ADGRV1: variants seen among roughly 807,000 people sequenced by gnomAD.
The protein encoded by ADGRV1 is adhesion G protein-coupled receptor V1, also known as G-protein coupled receptor 98.
In ADGRV1, 359 loss-of-function variants were observed where a neutral mutation model predicts 596.2. The observed-to-expected ratio is 0.60, with a 90% confidence interval of 0.55 to 0.66. The LOEUF (loss-of-function observed/expected upper bound fraction) is 0.66, where lower values mean the gene tolerates loss of function less well. Ranked by LOEUF, ADGRV1 falls within the 30% of genes least tolerant of loss-of-function variation. ADGRV1 has a pLI of 0.00. For synonymous variants in ADGRV1, 2,681 were observed against 2,679.2 expected (o/e 1.00, Z -0.02); for missense variants, 7,274 against 7,575.6 (o/e 0.96, Z 1.48).
chr5:90,758,513 T>G (rs1175425486), intron 57 of ADGRV1, among the ~76,000 whole-genome samples: 1 of 152,186 alleles, frequency 6.6e-6, no homozygotes, highest in African/African-American at 2.4e-5. Context: ...ATCCTACTTA[T>G]TCTTAAAATT....
At chr5:90,823,388 C>A (rs115364319) in intron 75 of ADGRV1, 37 bp from the exon 76 acceptor site, 1 of 1,599,926 alleles carries the variant, frequency 6.3e-7, no homozygotes, top group Non-Finnish European at 8.5e-7. Flanking sequence ...GGGGATGACA[C>A]CCTCTGTTAA....
At chr5:90,941,427 T>G (rs574997111) in intron 83 of ADGRV1, among the ~76,000 whole-genome samples, 1 of 152,270 alleles carries the variant, frequency 6.6e-6, no homozygotes, top group Non-Finnish European at 1.5e-5. Context: ...TTAAATTGAG[T>G]GGGCAAGAAG....
chr5:90,950,506 G>C lies in ADGRV1; in HGVS notation c.17857-14909G>C, dbSNP rs372520701. ...CCAGCTAATTTTTGTATTTTGAGTA[G>C]AGACAGGATTTTGCCCTGTTGGTCA... On this transcript the variant is annotated intron_variant, in intron 83 of 89. Coordinates refer to ENST00000405460, the MANE Select transcript of ADGRV1 (RefSeq NM_032119.4). Among the ~76,000 whole-genome samples the C allele has an allele frequency of 2.6e-5, 4 of 152,090 alleles. No individual in the cohort carries two copies. In the East Asian group the frequency reaches 7.7e-4, roughly 29 times the overall value.
intron 86 of ADGRV1, among the ~76,000 whole-genome samples, chr5:91,080,547 A>T (rs909899605): frequency 1.3e-5 from 2 of 151,048 alleles, no homozygotes; most frequent in African/African-American, 4.9e-5. Flanking sequence ...CTAATTTCAT[A>T]AAAGTAGTAT....
chr5:90,823,373 G>C, intron 75 of ADGRV1, 52 bp from the exon 76 acceptor site: 1 of 1,552,380 alleles, frequency 6.4e-7, no homozygotes, highest in South Asian at 1.2e-5. Flanking sequence ...AACTCTATTA[G>C]ACATGGGGAT....
chr5:90,714,571 CATTGTTTTG>C (rs1749829942), intron 42 of ADGRV1, among the ~76,000 whole-genome samples: 1 of 151,842 alleles, frequency 6.6e-6, no homozygotes, highest in Non-Finnish European at 1.5e-5. Flanking sequence ...CTACTATTTT[CATTGTTTTG>C]ATTTATATTT....
At position 90,791,010 on chromosome 5, in the gene ADGRV1, G is replaced by C. The variant is rs754790133; in HGVS notation, c.14181G>C (p.Glu4727Asp). The change falls in exon 70 of 90, where the codon GAG (glutamate) becomes GAC (aspartate). Residue 4727 changes from glutamate to aspartate, a missense_variant. Glu to Asp is a conservative substitution (Grantham distance 45). Transcript: ENST00000405460. ...HLLPDEVPEI[E>D]EDYVIQLVSV... is the part of the protein sequence containing the mutation. ...TACCAGATGAGGTACCTGAGATAGA[G>C]GAAGATTATGTGATCCAGCTTGTTT... 2.5e-6 allele frequency: 4 copies of C among 1,613,954 alleles called. No homozygotes were observed. The South Asian group carries it at 4.4e-5, about 18-fold the overall frequency.
At chr5:90,778,774 C>G in intron 63 of ADGRV1, 91 bp from the exon 64 acceptor site, 1 of 1,167,092 alleles carries the variant, frequency 8.6e-7, no homozygotes, top group Admixed American at 2.3e-5. Context: ...GTAATTTTAA[C>G]ACAATCCTGG....
chr5:90,764,978 G>T (rs777442934), intron 59 of ADGRV1, among the ~76,000 whole-genome samples: 2 of 152,090 alleles, frequency 1.3e-5, no homozygotes, highest in African/African-American at 4.8e-5. Flanking sequence ...TTGGCAGTCA[G>T]GAGATTGTCA....
chr5:90,597,373 C>T (rs191298919), intron 1 of ADGRV1, among the ~76,000 whole-genome samples: 1 of 152,282 alleles, frequency 6.6e-6, no homozygotes, highest in East Asian at 1.9e-4. Flanking sequence ...TTGTTATAGA[C>T]TTTAGTAAGT....
In ADGRV1 at chr5:91,163,732, T is replaced by C. The variant is rs867225276; in HGVS notation, c.18803-50T>C. 24 of 711,534 alleles carry C rather than the reference T, an allele frequency of 3.4e-5. No individual in the cohort carries two copies. The Middle Eastern group carries it at 5.8e-3, about 172-fold the overall frequency. The allele number at this position is 711,534 out of a possible 1,614,324, so 44.1% of individuals were successfully genotyped here. On this transcript the variant is annotated intron_variant, in intron 89 of 89. Coordinates refer to ENST00000405460, the MANE Select transcript of ADGRV1 (RefSeq NM_032119.4). ...CTAATGTAAATTGATTCTTAAGAAT[T>C]CACTGCACTAATAGTTTGGATTTTT...
rs774995411 is a variant in ADGRV1, at chr5:91,150,112, A to G, written c.18515A>G (p.Asn6172Ser). 50 of 1,580,716 alleles carry G rather than the reference A, an allele frequency of 3.2e-5. No homozygotes were observed. Among genetic ancestry groups the G allele is most frequent in the Non-Finnish European group, 4.0e-5 (46 of 1,163,152 alleles). Residue 6172 changes from asparagine (N) to serine (S), a missense_variant, in exon 88 of 90, where the codon AAT (asparagine) becomes AGT (serine). Asn to Ser is a conservative substitution (Grantham distance 46). This residue lies in a region of ADGRV1 where 1,874 missense variants were observed against 1,970.2 expected (regional missense o/e 0.95). Transcript: ENST00000405460. ...AAGGCCAGTTACACTGTGGAAATGA[A>G]TGGGCATCCTGGACCCAGCACAGCC... ...PMKASYTVEM[N>S]GHPGPSTAFF...
chr5:90,590,532 G>C (rs1759352199), intron 1 of ADGRV1, among the ~76,000 whole-genome samples: 1 of 152,140 alleles, frequency 6.6e-6, no homozygotes, highest in Admixed American at 6.5e-5. Context: ...TTCCTCTGGG[G>C]CAGGCATTCC....
intron 58 of ADGRV1, among the ~76,000 whole-genome samples, chr5:90,760,640 T>C (rs1216736139): frequency 1.3e-5 from 2 of 152,124 alleles, no homozygotes; most frequent in African/African-American, 4.8e-5. Context: ...TTGTGACTTA[T>C]GTAGAAAAAA....
rs746715818 is a variant in ADGRV1, at chr5:90,756,663, C to CAG, written c.11757+36_11757+37dup. 7.1e-6 allele frequency: 11 copies of CAG among 1,556,772 alleles called. No individual in the cohort carries two copies. In the African/African-American group the frequency reaches 1.4e-4, roughly 19 times the overall value. The stretch of plus-strand genomic sequence containing the variant: ...GAACTTTCATTTGTTTACAGTCATA[C>CAG]AGAGGCCTCTCCCTGCTGATTTGGC... On this transcript the variant is annotated intron_variant, in intron 56 of 89. Coordinates refer to ENST00000405460, the MANE Select transcript of ADGRV1 (RefSeq NM_032119.4).
chr5:90,875,630 G>A (rs1208112450), intron 83 of ADGRV1, among the ~76,000 whole-genome samples: 1 of 152,160 alleles, frequency 6.6e-6, no homozygotes, highest in Non-Finnish European at 1.5e-5. Context: ...TAGCTTCCTG[G>A]GTCAGGTAGG....
At chr5:90,662,911 T>C (rs1198245212) in intron 21 of ADGRV1, among the ~76,000 whole-genome samples, 1 of 151,600 alleles carries the variant, frequency 6.6e-6, no homozygotes, top group African/African-American at 2.4e-5. Flanking sequence ...GATTTCCAGT[T>C]TCATCCATGT....
At chr5:90,854,245 C>A in intron 81 of ADGRV1, 44 bp downstream of exon 81, 1 of 1,432,520 alleles carries the variant, frequency 7.0e-7, no homozygotes, top group Non-Finnish European at 9.3e-7. Flanking sequence ...GGTCCTTCCC[C>A]ATTTCGGTAC....
intron 1 of ADGRV1, among the ~76,000 whole-genome samples, chr5:90,590,497 G>C (rs1161992145): frequency 6.6e-6 from 1 of 152,190 alleles, no homozygotes; most frequent in African/African-American, 2.4e-5. Context: ...GTCTTAGGTA[G>C]TCAGATCCCT....
Sources: allele counts gnomAD v4.1 joint callset (sites outside exome capture counted in the v4.1 genomes callset), GRCh38; gene constraint gnomAD v4.1.1; regional missense constraint gnomAD v4.1.1; transcripts MANE v1.5; gene names NCBI Gene and HGNC (gene_info 2026-07-23, HGNC 2026-07-21).